Variants in BAIAP2L1 observed in about 807,000 individuals in gnomAD.
The protein encoded by BAIAP2L1 is BAR/IMD domain-containing adapter protein 2-like 1.
Under a neutral mutation model 66.3 loss-of-function variants are expected in BAIAP2L1, and 35 were observed. The observed-to-expected ratio is 0.53, with a 90% CI of 0.40 to 0.70. BAIAP2L1 has a LOEUF of 0.70. Among genes scored for constraint, BAIAP2L1 ranks in the 30% least tolerant of loss-of-function variants. The pLI is 0.00. For synonymous variants in BAIAP2L1, 269 were observed against 248.7 expected (o/e 1.08, Z -0.77); for missense variants, 622 against 656.9 (o/e 0.95, Z 0.58).
intron 7 of BAIAP2L1, among the ~76,000 whole-genome samples, chr7:98,314,765 G>A (rs892219407): frequency 7.9e-5 from 12 of 152,088 alleles, no homozygotes; most frequent in South Asian, 2.1e-4. Flanking sequence ...ATCTCAAATC[G>A]CCCAGGTGGG....
intron 1 of BAIAP2L1, 54 bp downstream of exon 1, chr7:98,400,748 T>C (rs1337157659): frequency 6.5e-7 from 1 of 1,539,496 alleles, no homozygotes. Flanking sequence ...AGTCCCCTTC[T>C]GAACCCCGAG....
chr7:98,390,974 C>T (rs930424106), intron 1 of BAIAP2L1, among the ~76,000 whole-genome samples: 1 of 150,414 alleles, frequency 6.6e-6, no homozygotes, highest in Admixed American at 6.7e-5. Flanking sequence ...GCTGGGACTA[C>T]AGGCGCACTC....
chr7:98,350,546 C>T (rs1354720888), intron 3 of BAIAP2L1, among the ~76,000 whole-genome samples: 1 of 152,138 alleles, frequency 6.6e-6, no homozygotes. Flanking sequence ...GTAGTCGCAG[C>T]TACTCAGGAG....
At position 98,400,794 on chromosome 7, in the gene BAIAP2L1, G is replaced by A; in HGVS notation, c.51+8C>T. On this transcript the variant is annotated splice_region_variant and intron_variant, in intron 1 of 13. Transcript: ENST00000005260. ...CTGACCTCCCTGAGCCCCGGGCCCTGGGCTTACCCGGTAGGTGCTCTCCGT... is the reference window on the plus strand; with the variant it reads ...CTGACCTCCCTGAGCCCCGGGCCCTAGGCTTACCCGGTAGGTGCTCTCCGT... 3 of 1,549,174 alleles carry A rather than the reference G, an allele frequency of 1.9e-6. No homozygotes were observed. In the South Asian group the frequency reaches 3.6e-5, roughly 18 times the overall value.
intron 2 of BAIAP2L1, among the ~76,000 whole-genome samples, chr7:98,360,198 C>A (rs191020152): frequency 6.6e-6 from 1 of 152,222 alleles, no homozygotes; most frequent in East Asian, 1.9e-4. Context: ...GCTGAGATTA[C>A]AGGCGTGAAC....
At chr7:98,363,594 T>C (rs1466734005) in intron 1 of BAIAP2L1, among the ~76,000 whole-genome samples, 2 of 152,210 alleles carry the variant, frequency 1.3e-5, no homozygotes, top group Non-Finnish European at 2.9e-5. Context: ...TACCCTAACT[T>C]TGAAGTACAG....
intron 1 of BAIAP2L1, among the ~76,000 whole-genome samples, chr7:98,380,396 G>C (rs1362091114): frequency 6.6e-6 from 1 of 152,068 alleles, no homozygotes; most frequent in African/African-American, 2.4e-5. Context: ...GAATCATGGT[G>C]GGAGGCGAAA....
At chr7:98,346,807 C>T (rs1801880861) in intron 3 of BAIAP2L1, among the ~76,000 whole-genome samples, 1 of 152,120 alleles carries the variant, frequency 6.6e-6, no homozygotes, top group Admixed American at 6.6e-5. Context: ...GGAAAAGTAG[C>T]AACACTGAGT....
chr7:98,365,706 C>T (rs1024451861), intron 1 of BAIAP2L1, among the ~76,000 whole-genome samples: 1 of 152,182 alleles, frequency 6.6e-6, no homozygotes, highest in Non-Finnish European at 1.5e-5. Context: ...TCTAAAACTC[C>T]TGAGCTCAAG....
intron 2 of BAIAP2L1, among the ~76,000 whole-genome samples, chr7:98,360,083 C>T (rs1966359): frequency 0.094 from 14,335 of 152,044 alleles, 773 homozygotes; most frequent in South Asian, 0.23. Flanking sequence ...CCACCACTCC[C>T]GGCTAAATTT....
intron 3 of BAIAP2L1, among the ~76,000 whole-genome samples, chr7:98,345,916 T>TA (rs1342293399): frequency 0.028 from 3,930 of 138,848 alleles, 115 homozygotes; most frequent in African/African-American, 0.082. Flanking sequence ...ATGGCTATAC[T>TA]AAAAAAAAAA....
chr7:98,311,682 CAGAT>C (rs1800876718), intron 8 of BAIAP2L1, among the ~76,000 whole-genome samples: 1 of 151,880 alleles, frequency 6.6e-6, no homozygotes, highest in African/African-American at 2.4e-5. Context: ...CCGAGGCAGA[CAGAT>C]CACGAGGTCA....
At chr7:98,337,012 G>A (rs150139517) in intron 3 of BAIAP2L1, among the ~76,000 whole-genome samples, 2 of 152,216 alleles carry the variant, frequency 1.3e-5, no homozygotes, top group South Asian at 4.2e-4. Flanking sequence ...TACCTGAGAG[G>A]ACTGCTGTGA....
At chr7:98,303,699 G>A (rs1323303230) in intron 12 of BAIAP2L1, among the ~76,000 whole-genome samples, 2 of 152,244 alleles carry the variant, frequency 1.3e-5, no homozygotes, top group Admixed American at 6.5e-5. Flanking sequence ...CCAGAGGCAC[G>A]TTAGGGTTAT....
chr7:98,363,878 A>G (rs1259434540), intron 1 of BAIAP2L1, among the ~76,000 whole-genome samples: 7 of 152,188 alleles, frequency 4.6e-5, no homozygotes, highest in Non-Finnish European at 1.5e-5. Flanking sequence ...AGAGAATAGG[A>G]CGACTCTTGT....
chr7:98,353,445 T>TATACATACATATTTATATTATAAATATAC (rs1562781467), intron 3 of BAIAP2L1, among the ~76,000 whole-genome samples: 3 of 136,920 alleles, frequency 2.2e-5, no homozygotes, highest in Non-Finnish European at 3.1e-5. Flanking sequence ...TATAAATATA[T>TATACATACATATTTATATTATAAATATAC]ATACATACAT....
At chr7:98,386,038 A>G (rs951526449) in intron 1 of BAIAP2L1, 16 of 1,415,486 alleles carry the variant, frequency 1.1e-5, no homozygotes, top group Non-Finnish European at 1.4e-5. Flanking sequence ...TTTATTGACC[A>G]CTTCTTTCAA....
chr7:98,311,554 A>C (rs1800869578), intron 8 of BAIAP2L1, among the ~76,000 whole-genome samples: 1 of 151,730 alleles, frequency 6.6e-6, no homozygotes, highest in Admixed American at 6.6e-5. Flanking sequence ...AACAAAAAAA[A>C]TAAAAAAAAA....
Position 98,360,847 on chromosome 7 carries a change from C to T in BAIAP2L1, c.127+1510G>A, listed in dbSNP as rs551449641. ...GCAAGGGAGCAAAATCCCAGACCTG[C>T]TGCATTTCCTGCTGCTGAAATCTCC... On this transcript the variant is annotated intron_variant, in intron 2 of 13. Coordinates refer to ENST00000005260, the MANE Select transcript of BAIAP2L1 (RefSeq NM_018842.5). 4.9e-4 allele frequency among the ~76,000 whole-genome samples: 75 copies of T among 152,254 alleles called. 1 individual carries two copies. In the South Asian group the frequency reaches 0.015, roughly 30 times the overall value.
Sources: gnomAD v4.1 joint callset for allele counts (sites outside exome capture counted in the v4.1 genomes callset) on GRCh38, gnomAD v4.1.1 for gene constraint, MANE v1.5 for transcripts, NCBI Gene and HGNC (gene_info 2026-07-23, HGNC 2026-07-21) for gene names.